TXNDC15: variants seen among roughly 807,000 people sequenced by gnomAD.
TXNDC15 encodes thioredoxin domain-containing protein 15.
In TXNDC15, 24 loss-of-function variants were observed where a neutral mutation model predicts 35.0. The ratio of observed to expected loss-of-function variants is 0.68; its 90% CI spans 0.50 to 0.96. The LOEUF (loss-of-function observed/expected upper bound fraction) is 0.96. TXNDC15 is among the 40% of genes least tolerant of loss of function. TXNDC15 has a pLI of 0.00. For synonymous variants in TXNDC15, 169 were observed against 174.0 expected (o/e 0.97, Z 0.23); for missense variants, 385 against 453.3 (o/e 0.85, Z 1.37).
chr5:134,884,882 CT>C (rs1048087289), intron 1 of TXNDC15, among the ~76,000 whole-genome samples: 1 of 148,894 alleles, frequency 6.7e-6, no homozygotes, highest in African/African-American at 2.5e-5. Flanking sequence ...ATGAATTTTA[CT>C]TTGTTGAATG....
At chr5:134,883,913 CA>C (rs779962714) in intron 1 of TXNDC15, among the ~76,000 whole-genome samples, 897 of 66,874 alleles carry the variant, frequency 0.013, 7 homozygotes, top group African/African-American at 0.035. Flanking sequence ...GACTCCATCT[CA>C]AAAAAAAAAA....
At chr5:134,881,839 G>A (rs546730378) in intron 1 of TXNDC15, among the ~76,000 whole-genome samples, 29 of 150,676 alleles carry the variant, frequency 1.9e-4, no homozygotes, top group Admixed American at 1.3e-3. Flanking sequence ...TCTCCCTCCC[G>A]GACGGGGCGG....
chr5:134,894,251 TG>T (rs1750444538), intron 3 of TXNDC15, among the ~76,000 whole-genome samples: 1 of 152,158 alleles, frequency 6.6e-6, no homozygotes, highest in South Asian at 2.1e-4. Context: ...TATCATTCAC[TG>T]GGTTTTTGTC....
At chr5:134,875,371 G>C (rs1408956641) in intron 1 of TXNDC15, 2 of 456,150 alleles carry the variant, frequency 4.4e-6, no homozygotes, top group Non-Finnish European at 8.8e-6. Context: ...GATGGAGGCA[G>C]GACAGCAGAG....
At position 134,900,754 on chromosome 5, in the gene TXNDC15, CAT is replaced by C. The variant is rs999453351; in HGVS notation, c.*1070_*1071del. On this transcript the variant is annotated 3_prime_UTR_variant, in exon 5 of 5. Coordinates refer to ENST00000358387, the MANE Select transcript of TXNDC15 (RefSeq NM_024715.4). Reference sequence around the variant, plus strand: ...GTTGATTCTAGTCTAGTTCAAGACACATGTTTAGTAAAGAGACAACATGTAAT... The same window carrying C: ...GTTGATTCTAGTCTAGTTCAAGACACGTTTAGTAAAGAGACAACATGTAAT... 1.3e-5 allele frequency: 2 copies of C among 151,964 alleles called. No individual in the cohort carries two copies. Among genetic ancestry groups the C allele is most frequent in the South Asian group, 2.1e-4 (1 of 4,820 alleles). 9.4% of individuals were successfully genotyped at this position (151,964 alleles called of 1,614,324 possible).
intron 1 of TXNDC15, among the ~76,000 whole-genome samples, chr5:134,880,584 C>G (rs148126762): frequency 0.01 from 1,546 of 151,888 alleles, 23 homozygotes; most frequent in African/African-American, 0.035. Context: ...TTACGGGCGC[C>G]CGCTACCATG....
chr5:134,897,278 C>T (rs1032341715), intron 4 of TXNDC15, among the ~76,000 whole-genome samples: 1 of 151,462 alleles, frequency 6.6e-6, no homozygotes, highest in Non-Finnish European at 1.5e-5. Context: ...GACGGAGTCT[C>T]GCTCTGTCAC....
chr5:134,875,210 G>A, intron 1 of TXNDC15: 1 of 456,244 alleles, frequency 2.2e-6, no homozygotes, highest in Non-Finnish European at 4.4e-6. Flanking sequence ...AGCCACTCTA[G>A]AGGCATGGCG....
At chr5:134,874,232 G>A (rs1749975219), upstream of TXNDC15, 3 of 553,424 alleles carry the variant, frequency 5.4e-6, no homozygotes, top group Admixed American at 3.5e-5. Context: ...CTCCTAAAGA[G>A]GTCTCCAGTC....
chr5:134,895,579 TA>T (rs1216969575), intron 3 of TXNDC15, among the ~76,000 whole-genome samples: 1 of 152,250 alleles, frequency 6.6e-6, no homozygotes, highest in African/African-American at 2.4e-5. Flanking sequence ...TGTTAATATT[TA>T]AGTTACAGCA....
intron 1 of TXNDC15, among the ~76,000 whole-genome samples, chr5:134,882,685 C>T (rs900113167): frequency 7.2e-5 from 11 of 152,202 alleles, no homozygotes; most frequent in Admixed American, 3.3e-4. Context: ...CCAAAAAATA[C>T]GAAAACCAGT....
At chr5:134,881,639 T>C (rs1232052046) in intron 1 of TXNDC15, among the ~76,000 whole-genome samples, 2 of 140,042 alleles carry the variant, frequency 1.4e-5, no homozygotes, top group Non-Finnish European at 3.1e-5. Context: ...TCCCCACCTT[T>C]CCCCCCTTTC....
At chr5:134,879,864 C>T (rs925686420) in intron 1 of TXNDC15, among the ~76,000 whole-genome samples, 23 of 148,340 alleles carry the variant, frequency 1.6e-4, no homozygotes, top group Non-Finnish European at 2.4e-4. Context: ...GCGTGATTCT[C>T]GGCTCACTGC....
intron 1 of TXNDC15, among the ~76,000 whole-genome samples, chr5:134,882,693 A>G (rs899065526): frequency 3.9e-5 from 6 of 152,148 alleles, no homozygotes; most frequent in African/African-American, 1.4e-4. Context: ...TACGAAAACC[A>G]GTCAGGCGTG....
At chr5:134,881,824 T>C (rs1750152965) in intron 1 of TXNDC15, among the ~76,000 whole-genome samples, 2 of 132,360 alleles carry the variant, frequency 1.5e-5, no homozygotes, top group Non-Finnish European at 1.6e-5. Flanking sequence ...GGGCTGACGC[T>C]CCCATCTCCC....
At chr5:134,877,049 A>C (rs1750048416) in intron 1 of TXNDC15, among the ~76,000 whole-genome samples, 1 of 152,144 alleles carries the variant, frequency 6.6e-6, no homozygotes, top group Admixed American at 6.5e-5. Flanking sequence ...AAGACTGAGA[A>C]ATGCATCAAG....
chr5:134,893,354 GTTCCGAGGGTTCC>G, intron 2 of TXNDC15, 125 bp from the exon 3 acceptor site: 3 of 951,538 alleles, frequency 3.2e-6, no homozygotes, highest in Non-Finnish European at 3.2e-6. Flanking sequence ...AATCCAAAAG[GTTCCGAGGGTTCC>G]TTCTCTCGCT....
intron 2 of TXNDC15, among the ~76,000 whole-genome samples, chr5:134,891,112 C>G (rs1028774451): frequency 1.3e-5 from 2 of 152,146 alleles, no homozygotes; most frequent in African/African-American, 2.4e-5. Flanking sequence ...AAGTCATCCA[C>G]GAGGGTTGGA....
chr5:134,889,487 G>A (rs1456443571), intron 2 of TXNDC15, among the ~76,000 whole-genome samples: 1 of 152,246 alleles, frequency 6.6e-6, no homozygotes, highest in Non-Finnish European at 1.5e-5. Context: ...GCCTCCCAGA[G>A]TGTTGGGATT....
Sources: gnomAD v4.1 joint callset for allele counts (sites outside exome capture counted in the v4.1 genomes callset) on GRCh38, gnomAD v4.1.1 for gene constraint, MANE v1.5 for transcripts, NCBI Gene and HGNC (gene_info 2026-07-23, HGNC 2026-07-21) for gene names.